The following PYROXD2 variants were observed in gnomAD, a reference collection of about 807,000 sequenced individuals.
The protein encoded by PYROXD2 is pyridine nucleotide-disulphide oxidoreductase domain 2, also known as pyridine nucleotide-disulfide oxidoreductase domain-containing protein 2.
PYROXD2 carries 69 observed loss-of-function variants against 71.1 expected under a neutral mutation model. The observed-to-expected ratio is 0.97, with a 90% confidence interval of 0.80 to 1.19. The LOEUF is 1.19. Among genes scored for constraint, PYROXD2 ranks in the 50% most tolerant of loss-of-function variants. The probability of loss-of-function intolerance (pLI) is 0.00; values close to 1 mark genes in which losing one functional copy is unlikely to be tolerated. For missense variants in PYROXD2, 745 were observed against 748.9 expected (o/e 0.99, Z 0.06); for synonymous variants, 287 against 302.7 (o/e 0.95, Z 0.54).
chr10:98,402,848 C>G (rs916431655), intron 4 of PYROXD2, among the ~76,000 whole-genome samples: 2 of 152,212 alleles, frequency 1.3e-5, no homozygotes, highest in South Asian at 4.1e-4. Flanking sequence ...AAGTCAGGGG[C>G]ATTGTCTGTT....
At chr10:98,396,536 G>A (rs1190152664) in intron 6 of PYROXD2, among the ~76,000 whole-genome samples, 1 of 152,180 alleles carries the variant, frequency 6.6e-6, no homozygotes, top group Non-Finnish European at 1.5e-5. Flanking sequence ...GAAAATAATA[G>A]CACACTTAAT....
chr10:98,383,842 G>T lies in PYROXD2; in HGVS notation c.1702C>A (p.Arg568=). 1 of 1,613,726 alleles carries T rather than the reference G, an allele frequency of 6.2e-7. No individual in the cohort carries two copies. Among genetic ancestry groups the T allele is most frequent in the Non-Finnish European group, 8.5e-7 (1 of 1,179,956 alleles). ...CTAAAGGCCACATGTGCTGCATTTC[G>T]CCCAGCAGCTCCCATCACACCTCCT... is the stretch of plus-strand genomic sequence containing the variant. ...PGGGVMGAAG[R]NAAHVAFRDL... is the part of the protein sequence containing the mutation. The change falls in exon 16 of 16, where the codon CGA becomes AGA. Residue 568 remains arginine, a synonymous_variant. Transcript: ENST00000370575.
chr10:98,409,743 C>A (rs192044376), intron 2 of PYROXD2, among the ~76,000 whole-genome samples: 1 of 152,320 alleles, frequency 6.6e-6, no homozygotes, highest in East Asian at 1.9e-4. Context: ...CCTTAACCTT[C>A]ACAAAGTGGC....
Position 98,387,201 on chromosome 10 carries a change from C to G in PYROXD2, c.1554G>C (p.Gly518=). ...AGAGACCCCCTAGGCTTATACATACCCCTCCAGGAAGCCCGAAGATTCTCT... is the reference window on the plus strand; with the variant it reads ...AGAGACCCCCTAGGCTTATACATACGCCTCCAGGAAGCCCGAAGATTCTCT... ...DLERIFGLPG[G]NIFHCAMSLD... The change falls in exon 14 of 16, where the codon GGG becomes GGC. Residue 518 remains glycine (G), a splice_region_variant and synonymous_variant. Transcript: ENST00000370575. 6.2e-7 allele frequency: 1 copy of G among 1,612,526 alleles called. No homozygotes were observed. Among genetic ancestry groups the G allele is most frequent in the African/African-American group, 1.3e-5 (1 of 74,972 alleles).
At chr10:98,395,898 C>G (rs1467906787) in intron 6 of PYROXD2, among the ~76,000 whole-genome samples, 2 of 152,264 alleles carry the variant, frequency 1.3e-5, no homozygotes, top group South Asian at 4.1e-4. Flanking sequence ...TGATTCAGAC[C>G]ATTTCAGAAA....
chr10:98,414,812 G>A (rs1843935013), intron 1 of PYROXD2, 197 bp downstream of exon 1: 5 of 714,572 alleles, frequency 7.0e-6, no homozygotes, highest in Non-Finnish European at 1.1e-5. Flanking sequence ...AGCAGAGCCA[G>A]CACCGGAATC....
At position 98,390,771 on chromosome 10, in the gene PYROXD2, G is replaced by A; in HGVS notation, c.1136-17C>T. On this transcript the variant is annotated splice_polypyrimidine_tract_variant and intron_variant, in intron 11 of 15. Coordinates refer to ENST00000370575, the MANE Select transcript of PYROXD2 (RefSeq NM_032709.3). ...CTACGGCCACTGAGGGACCAAAGAG[G>A]AGGGTCAGGTCTTAGCCCCACAAGG... The A allele has an allele frequency of 6.4e-7, 1 of 1,569,304 alleles. No homozygotes were observed. The highest frequency in any genetic ancestry group is 1.9e-4 in the Middle Eastern group (1 of 5,348).
Position 98,392,463 on chromosome 10 carries a change from G to A in PYROXD2, c.1031C>T (p.Pro344Leu), listed in dbSNP as rs768287953. The A allele has an allele frequency of 1.1e-5, 17 of 1,613,704 alleles. No individual in the cohort carries two copies. The highest frequency in any genetic ancestry group is 1.4e-5 in the Non-Finnish European group (16 of 1,180,030). Residue 344 changes from proline (P) to leucine (L), a missense_variant, in exon 10 of 16, where the codon CCG becomes CTG. Physicochemically the swap from Pro to Leu is moderately conservative, Grantham distance 98. Coordinates refer to ENST00000370575, the MANE Select transcript of PYROXD2 (RefSeq NM_032709.3). ...RSKMVLSNTS[P>L]QITFLKLTPQ... ...CGTCAGCTTCAGGAAGGTGATCTGC[G>A]GTGATGTGTTGGACAGCACCATTTT... is the stretch of plus-strand genomic sequence containing the variant.
At chr10:98,394,543 AACAC>A (rs58461142) in intron 8 of PYROXD2, among the ~76,000 whole-genome samples, 9,029 of 141,536 alleles carry the variant, frequency 0.064, 309 homozygotes, top group East Asian at 0.12. Flanking sequence ...TCTCCATCCC[AACAC>A]ACACACACAC....
intron 1 of PYROXD2, among the ~76,000 whole-genome samples, chr10:98,412,410 TTGA>T (rs1333269701): frequency 6.6e-6 from 1 of 152,138 alleles, no homozygotes; most frequent in Non-Finnish European, 1.5e-5. Context: ...GCCTGGGCCC[TTGA>T]GGAGCTGCTC....
rs768797226 is a variant in PYROXD2 at position 98,415,125 on chromosome 10, CT to C, written c.10del (p.Ser4ValfsTer28). On this transcript the variant is annotated frameshift_variant, in exon 1 of 16. Transcript: ENST00000370575. LOFTEE classifies it high-confidence loss of function. MAA[S>X]GRGLCKAVAA... Reference sequence around the variant, plus strand: ...CACAGCCTTGCAGAGACCTCGGCCACTTGCAGCCATTTCTGCCCCAGGCTGG... The same window carrying C: ...CACAGCCTTGCAGAGACCTCGGCCACTGCAGCCATTTCTGCCCCAGGCTGG... 11 of 1,612,940 alleles carry C rather than the reference CT, an allele frequency of 6.8e-6. No individual in the cohort carries two copies. The Admixed American group carries it at 1.8e-4, about 27-fold the overall frequency.
chr10:98,392,325 C>G (rs766193463), intron 10 of PYROXD2, 107 bp downstream of exon 10: 1 of 1,513,570 alleles, frequency 6.6e-7, no homozygotes, highest in African/African-American at 1.4e-5. Context: ...AGAGACTTGG[C>G]TTTTGCATCT....
chr10:98,388,716 G>C (rs927838476), intron 12 of PYROXD2, among the ~76,000 whole-genome samples: 1 of 151,890 alleles, frequency 6.6e-6, no homozygotes, highest in East Asian at 1.9e-4. Flanking sequence ...CCTGACCCCA[G>C]ACCCCCGAAT....
At chr10:98,401,737 C>A (rs1338499767) in intron 4 of PYROXD2, among the ~76,000 whole-genome samples, 1 of 152,064 alleles carries the variant, frequency 6.6e-6, no homozygotes, top group Non-Finnish European at 1.5e-5. Flanking sequence ...CCTAGGCCTA[C>A]ACGGGGTCAG....
At chr10:98,388,205 A>G (rs1392437954) in intron 13 of PYROXD2, 149 bp downstream of exon 13, 1 of 734,060 alleles carries the variant, frequency 1.4e-6, no homozygotes, top group African/African-American at 1.8e-5. Flanking sequence ...GCAGTCAACT[A>G]TGTTGACTTG....
intron 9 of PYROXD2, 116 bp downstream of exon 9, chr10:98,392,826 C>A: frequency 7.9e-7 from 1 of 1,271,376 alleles, no homozygotes; most frequent in Non-Finnish European, 1.1e-6. Flanking sequence ...ATTCTGCAAC[C>A]CATCCCCTCA....
chr10:98,410,003 G>A (rs542800087), intron 2 of PYROXD2, among the ~76,000 whole-genome samples: 1 of 152,132 alleles, frequency 6.6e-6, no homozygotes, highest in East Asian at 1.9e-4. Context: ...GCTTGAACCC[G>A]GGAAGTAGAG....
chr10:98,411,202 G>A (rs563411058), intron 1 of PYROXD2: 3 of 584,946 alleles, frequency 5.1e-6, no homozygotes, highest in Non-Finnish European at 9.0e-6. Context: ...TGCTCCCCTG[G>A]CTTGGTCAGG....
At position 98,383,601 on chromosome 10, in the gene PYROXD2, C is replaced by T; in HGVS notation, c.*197G>A. On this transcript the variant is annotated 3_prime_UTR_variant, in exon 16 of 16. Coordinates refer to ENST00000370575, the MANE Select transcript of PYROXD2 (RefSeq NM_032709.3). ...AAATATTAGTTTTAATAAAACAGAA[C>T]CAGTCCATGTATGGAGGCATGGGCA... 1.6e-6 allele frequency: 1 copy of T among 629,582 alleles called. No individual in the cohort carries two copies. The highest frequency in any genetic ancestry group is 2.9e-6 in the Non-Finnish European group (1 of 349,626). 39.0% of individuals were successfully genotyped at this position (629,582 alleles called of 1,614,324 possible).
Sources: gnomAD v4.1 joint callset for allele counts (sites outside exome capture counted in the v4.1 genomes callset) on GRCh38, gnomAD v4.1.1 for gene constraint, MANE v1.5 for transcripts, NCBI Gene and HGNC (gene_info 2026-07-23, HGNC 2026-07-21) for gene names.